DCDC1: variants seen among roughly 807,000 people sequenced by gnomAD.
DCDC1 encodes the protein doublecortin domain containing 1.
A neutral mutation model predicts 178.3 loss-of-function variants in DCDC1; 200 were observed. That is an observed-to-expected ratio of 1.12 (90% CI 1.00 to 1.26). DCDC1 has a LOEUF of 1.26. Ranked by LOEUF, DCDC1 falls within the 50% of genes most tolerant of loss-of-function variation. DCDC1 has a pLI of 0.00. For synonymous variants in DCDC1, 690 were observed against 604.8 expected, an observed-to-expected ratio of 1.14 and a Z score of -2.07; for missense variants, 1,983 against 1,749.2, an observed-to-expected ratio of 1.13 and a Z score of -2.38.
At chr11:30,975,378 A>G (rs1479155585) in intron 20 of DCDC1, among the ~76,000 whole-genome samples, 1 of 152,114 alleles carries the variant, frequency 6.6e-6, no homozygotes, top group Non-Finnish European at 1.5e-5. Flanking sequence ...CAGAGCAATC[A>G]GGCAAAAGAA....
chr11:30,952,397 G>T, intron 21 of DCDC1, 48 bp downstream of exon 21: 1 of 1,476,016 alleles, frequency 6.8e-7, no homozygotes, highest in Non-Finnish European at 9.0e-7. Context: ...ACACAACTGG[G>T]CCTTAAAGTA....
intron 29 of DCDC1, among the ~76,000 whole-genome samples, chr11:30,907,571 C>T (rs954548164): frequency 5.9e-5 from 9 of 152,076 alleles, no homozygotes; most frequent in Admixed American, 1.3e-4. Flanking sequence ...ATTGGAACCC[C>T]GAGACCACAA....
intron 21 of DCDC1, among the ~76,000 whole-genome samples, chr11:30,934,435 G>T (rs1356272500): frequency 6.6e-6 from 1 of 152,144 alleles, no homozygotes; most frequent in Non-Finnish European, 1.5e-5. Flanking sequence ...CCAGCTTGGG[G>T]TATATGGAGA....
intron 33 of DCDC1, 34 bp from the exon 34 acceptor site, chr11:30,899,676 C>A: frequency 7.1e-7 from 1 of 1,417,292 alleles, no homozygotes; most frequent in Non-Finnish European, 9.4e-7. Context: ...ATTTTATCAA[C>A]AGTAATTTAT....
intron 20 of DCDC1, among the ~76,000 whole-genome samples, chr11:31,019,261 T>C (rs886277155): frequency 2.4e-4 from 37 of 152,194 alleles, no homozygotes; most frequent in Admixed American, 2.2e-3. Flanking sequence ...GATTCTACTA[T>C]TAGTATCATT....
intron 25 of DCDC1, among the ~76,000 whole-genome samples, chr11:30,920,354 G>C (rs1946157839): frequency 6.6e-6 from 1 of 152,092 alleles, no homozygotes; most frequent in Non-Finnish European, 1.5e-5. Context: ...GGAATTGGAA[G>C]GAAGATATTA....
At chr11:31,086,422 T>A (rs916739203) in intron 17 of DCDC1, among the ~76,000 whole-genome samples, 12 of 152,200 alleles carry the variant, frequency 7.9e-5, no homozygotes, top group African/African-American at 2.9e-4. Flanking sequence ...TATCCCCATG[T>A]TTTCTTGAAT....
At chr11:30,908,866 G>GA (rs1002005175) in intron 29 of DCDC1, 80 bp downstream of exon 29, 1 of 1,344,962 alleles carries the variant, frequency 7.4e-7, no homozygotes. Context: ...GTTTTCTAGG[G>GA]AAAAAAATTT....
intron 1 of DCDC1, among the ~76,000 whole-genome samples, chr11:31,358,232 A>C (rs1224341703): frequency 1.3e-5 from 2 of 152,164 alleles, no homozygotes; most frequent in Admixed American, 6.5e-5. Flanking sequence ...ACTGGTACCA[A>C]AACAGAGATA....
At chr11:31,003,556 G>T (rs564678754) in intron 20 of DCDC1, among the ~76,000 whole-genome samples, 1 of 152,284 alleles carries the variant, frequency 6.6e-6, no homozygotes, top group Admixed American at 6.5e-5. Context: ...GAGATACTAT[G>T]ACTGACCTCT....
At chr11:30,992,139 C>T (rs1951025665) in intron 20 of DCDC1, among the ~76,000 whole-genome samples, 1 of 152,132 alleles carries the variant, frequency 6.6e-6, no homozygotes, top group Non-Finnish European at 1.5e-5. Flanking sequence ...ATACTTCTTC[C>T]CATAAGGTCT....
intron 21 of DCDC1, among the ~76,000 whole-genome samples, chr11:30,949,073 C>T (rs1231137032): frequency 7.9e-5 from 12 of 152,162 alleles, no homozygotes; most frequent in Non-Finnish European, 1.5e-5. Context: ...AGGCAACCTA[C>T]AGAATGGGAG....
intron 9 of DCDC1, among the ~76,000 whole-genome samples, chr11:31,172,041 A>G (rs972885417): frequency 2.0e-5 from 3 of 152,166 alleles, no homozygotes; most frequent in Non-Finnish European, 4.4e-5. Flanking sequence ...AGAAGAGAAA[A>G]CAAGTGATTG....
chr11:31,005,827 T>A (rs1316450020), intron 20 of DCDC1, among the ~76,000 whole-genome samples: 1 of 152,008 alleles, frequency 6.6e-6, no homozygotes, highest in Non-Finnish European at 1.5e-5. Context: ...TAGCTTCTCA[T>A]AGTCTTTAAC....
intron 10 of DCDC1, among the ~76,000 whole-genome samples, chr11:31,132,003 T>G (rs968875344): frequency 3.3e-5 from 5 of 152,208 alleles, no homozygotes; most frequent in Non-Finnish European, 7.3e-5. Flanking sequence ...TCTAAAGGGC[T>G]ATTGGCTAAA....
chr11:31,364,994 G>T (rs147808668), intron 1 of DCDC1, among the ~76,000 whole-genome samples: 1 of 152,060 alleles, frequency 6.6e-6, no homozygotes, highest in Non-Finnish European at 1.5e-5. Context: ...TCTATTCTAC[G>T]TATTAGTATA....
chr11:31,207,661 C>G (rs753633186), intron 9 of DCDC1, among the ~76,000 whole-genome samples: 1 of 152,162 alleles, frequency 6.6e-6, no homozygotes, highest in South Asian at 2.1e-4. Context: ...TGCAAACATG[C>G]CTTAATGTAA....
intron 25 of DCDC1, among the ~76,000 whole-genome samples, chr11:30,920,254 G>C (rs552777344): frequency 6.6e-6 from 1 of 152,252 alleles, no homozygotes; most frequent in East Asian, 1.9e-4. Context: ...CAGATGAATA[G>C]GTTTTTCTGT....
chr11:31,217,405 G>A (rs188092232), intron 9 of DCDC1, among the ~76,000 whole-genome samples: 19 of 152,134 alleles, frequency 1.2e-4, no homozygotes, highest in African/African-American at 3.9e-4. Context: ...AAACAACTCC[G>A]GTCGATTTTG....
Sources: allele counts gnomAD v4.1 joint callset (sites outside exome capture counted in the v4.1 genomes callset), GRCh38; gene constraint gnomAD v4.1.1; transcripts MANE v1.5; gene names NCBI Gene and HGNC (gene_info 2026-07-23, HGNC 2026-07-21).